The following ZCCHC7 variants were observed in gnomAD, a reference collection of about 807,000 sequenced individuals.
ZCCHC7 encodes the protein zinc finger CCHC-type containing 7.
Under a neutral mutation model 52.0 loss-of-function variants are expected in ZCCHC7, and 35 were observed. The observed-to-expected ratio is 0.67, with a 90% CI of 0.51 to 0.89. The LOEUF is 0.89. Ranked by LOEUF, ZCCHC7 falls within the 40% of genes least tolerant of loss-of-function variation. The pLI is 0.00. For synonymous variants in ZCCHC7, 217 were observed against 221.5 expected (o/e 0.98, Z 0.18); for missense variants, 574 against 649.1 (o/e 0.88, Z 1.26).
intron 2 of ZCCHC7, among the ~76,000 whole-genome samples, chr9:37,158,402 G>A (rs1820925904): frequency 6.6e-6 from 1 of 152,200 alleles, no homozygotes; most frequent in South Asian, 2.1e-4. Context: ...GATGAGTGAA[G>A]CAAAAGGAGG....
intron 2 of ZCCHC7, among the ~76,000 whole-genome samples, chr9:37,297,445 C>G (rs982506365): frequency 6.6e-6 from 1 of 152,186 alleles, no homozygotes; most frequent in Non-Finnish European, 1.5e-5. Flanking sequence ...GTTGCATTTA[C>G]ATTCTTAAAT....
At chr9:37,154,154 A>C (rs1375969634) in intron 2 of ZCCHC7, among the ~76,000 whole-genome samples, 2 of 152,024 alleles carry the variant, frequency 1.3e-5, no homozygotes, top group Non-Finnish European at 2.9e-5. Flanking sequence ...CTCCCAAAGT[A>C]GCTGGAATTA....
chr9:37,310,882 A>C (rs761076746), intron 5 of ZCCHC7, among the ~76,000 whole-genome samples: 1 of 149,406 alleles, frequency 6.7e-6, no homozygotes, highest in Non-Finnish European at 1.5e-5. Flanking sequence ...GCTTGAGCCC[A>C]GGAGATCAAG....
intron 3 of ZCCHC7, 65 bp from the exon 4 acceptor site, chr9:37,304,122 AG>A (rs1257851251): frequency 2.7e-6 from 4 of 1,488,526 alleles, no homozygotes; most frequent in Non-Finnish European, 3.7e-6. Context: ...CTTTAACAAG[AG>A]TAGTAGATGG....
chr9:37,199,658 GTCTGTCTGTCTTTCTC>G (rs1823502100), intron 2 of ZCCHC7, among the ~76,000 whole-genome samples: 1 of 126,152 alleles, frequency 7.9e-6, no homozygotes, highest in African/African-American at 3.3e-5. Flanking sequence ...CTGTCTGTCT[GTCTGTCTGTCTTTCTC>G]TCTGTCTGTC....
intron 2 of ZCCHC7, among the ~76,000 whole-genome samples, chr9:37,184,943 T>C (rs778849196): frequency 7.9e-5 from 12 of 152,224 alleles, no homozygotes; most frequent in Admixed American, 5.2e-4. Flanking sequence ...AGGACTATTA[T>C]GTCTTTTAGA....
chr9:37,327,219 A>T (rs1564256869), intron 5 of ZCCHC7: 1 of 152,206 alleles, frequency 6.6e-6, no homozygotes, highest in African/African-American at 2.4e-5. Flanking sequence ...TGTTTTTGCT[A>T]CAGATGTGGA....
intron 2 of ZCCHC7, among the ~76,000 whole-genome samples, chr9:37,245,176 T>G (rs929656868): frequency 2.0e-5 from 3 of 151,880 alleles, no homozygotes; most frequent in South Asian, 4.1e-4. Context: ...ATAAATTGAG[T>G]AACTTTAAAG....
At chr9:37,281,303 A>G (rs1827947283) in intron 2 of ZCCHC7, among the ~76,000 whole-genome samples, 1 of 152,230 alleles carries the variant, frequency 6.6e-6, no homozygotes, top group Non-Finnish European at 1.5e-5. Context: ...GGCATGAGCC[A>G]CCACACCTGC....
chr9:37,288,337 T>A (rs1828361405), intron 2 of ZCCHC7, among the ~76,000 whole-genome samples: 3 of 124,392 alleles, frequency 2.4e-5, no homozygotes, highest in Admixed American at 1.9e-4. Context: ...GATTTTTTTA[T>A]AGGTAGATAG....
At chr9:37,137,565 T>C (rs1357775072) in intron 2 of ZCCHC7, among the ~76,000 whole-genome samples, 1 of 152,228 alleles carries the variant, frequency 6.6e-6, no homozygotes, top group Non-Finnish European at 1.5e-5. Flanking sequence ...AGTCATAATT[T>C]TATTTCATTG....
chr9:37,217,436 A>G (rs1475583644), intron 2 of ZCCHC7, among the ~76,000 whole-genome samples: 3 of 152,184 alleles, frequency 2.0e-5, no homozygotes, highest in Admixed American at 1.3e-4. Flanking sequence ...GCAGCCTTCA[A>G]TCAGTGAAAG....
intron 2 of ZCCHC7, among the ~76,000 whole-genome samples, chr9:37,192,185 T>C (rs1467608004): frequency 2.0e-5 from 3 of 152,216 alleles, no homozygotes; most frequent in Admixed American, 6.5e-5. Context: ...TTCTCTCATA[T>C]AGGAATTTTT....
chr9:37,305,714 T>C lies in ZCCHC7; in HGVS notation c.951T>C (p.Asp317=). 1.2e-6 allele frequency: 2 copies of C among 1,613,836 alleles called. No homozygotes were observed. Among genetic ancestry groups the C allele is most frequent in the Non-Finnish European group, 1.7e-6 (2 of 1,179,804 alleles). Residue 317 remains aspartate (D), a splice_region_variant and synonymous_variant, in exon 5 of 9, where the codon GAT becomes GAC. Transcript: ENST00000336755. ...DRCHMLGHYT[D]ACTEIWRQYH... Reference sequence around the variant, plus strand: ...GTCATATGCTAGGCCACTATACAGATGTGAGTATCCTGCATATAACTAATT... The same window carrying C: ...GTCATATGCTAGGCCACTATACAGACGTGAGTATCCTGCATATAACTAATT...
chr9:37,242,056 T>C (rs993443636), intron 2 of ZCCHC7, among the ~76,000 whole-genome samples: 4 of 151,850 alleles, frequency 2.6e-5, no homozygotes, highest in Admixed American at 6.6e-5. Context: ...CCCATCTGAA[T>C]AATAATCTGA....
intron 2 of ZCCHC7, among the ~76,000 whole-genome samples, chr9:37,293,365 A>G (rs1470575846): frequency 6.6e-6 from 1 of 152,202 alleles, no homozygotes; most frequent in Non-Finnish European, 1.5e-5. Context: ...TGTTAAAAGA[A>G]ATAATAGGAT....
chr9:37,301,739 G>T (rs1829040083), intron 2 of ZCCHC7, among the ~76,000 whole-genome samples: 1 of 152,184 alleles, frequency 6.6e-6, no homozygotes, highest in South Asian at 2.1e-4. Flanking sequence ...CCCTCCTGTG[G>T]ATCCTCCTGG....
chr9:37,201,494 G>A (rs1823627363), intron 2 of ZCCHC7, among the ~76,000 whole-genome samples: 1 of 152,152 alleles, frequency 6.6e-6, no homozygotes, highest in Admixed American at 6.5e-5. Flanking sequence ...GCTTTATTGA[G>A]GAGGAAAGTA....
chr9:37,302,078 C>T (rs1033500322), intron 2 of ZCCHC7, 110 bp from the exon 3 acceptor site: 24 of 848,098 alleles, frequency 2.8e-5, no homozygotes, highest in Non-Finnish European at 4.3e-5. Flanking sequence ...CAACATTTCT[C>T]AGTGTACCTT....
Sources: gnomAD v4.1 joint callset for allele counts (sites outside exome capture counted in the v4.1 genomes callset) on GRCh38, gnomAD v4.1.1 for gene constraint, MANE v1.5 for transcripts, NCBI Gene and HGNC (gene_info 2026-07-23, HGNC 2026-07-21) for gene names.